The following PTPRG variants were observed in gnomAD, a reference collection of about 807,000 sequenced individuals.
The protein encoded by PTPRG is protein tyrosine phosphatase receptor type G, also known as receptor-type tyrosine-protein phosphatase gamma.
PTPRG carries 102 observed loss-of-function variants against 165.3 expected under a neutral mutation model. The observed-to-expected ratio is 0.62, with a 90% CI of 0.53 to 0.73. PTPRG has a LOEUF of 0.73. Ranked by LOEUF, PTPRG falls within the 30% of genes least tolerant of loss-of-function variation. The probability of loss-of-function intolerance (pLI) is 0.00; values close to 1 mark genes in which losing one functional copy is unlikely to be tolerated. For missense variants in PTPRG, 1,866 were observed against 1,861.4 expected, an observed-to-expected ratio of 1.00 and a Z score of -0.05; for synonymous variants, 675 against 669.5, an observed-to-expected ratio of 1.01 and a Z score of -0.13.
chr3:62,116,360 ATCT>A (rs763733923), intron 5 of PTPRG, among the ~76,000 whole-genome samples: 1 of 152,200 alleles, frequency 6.6e-6, no homozygotes, highest in African/African-American at 2.4e-5. Flanking sequence ...TTGGCCGGAA[ATCT>A]TCTTTCCATA....
At chr3:61,840,895 C>T (rs1658606492) in intron 2 of PTPRG, among the ~76,000 whole-genome samples, 1 of 150,236 alleles carries the variant, frequency 6.7e-6, no homozygotes, top group African/African-American at 2.5e-5. Context: ...AATTCTTCTG[C>T]CTCAGCCTCC....
intron 1 of PTPRG, among the ~76,000 whole-genome samples, chr3:61,701,564 A>G (rs1261680497): frequency 6.6e-6 from 1 of 152,236 alleles, no homozygotes; most frequent in Non-Finnish European, 1.5e-5. Flanking sequence ...AAGTGAGTGC[A>G]GAAACATTTC....
intron 2 of PTPRG, among the ~76,000 whole-genome samples, chr3:61,812,254 AG>A (rs2035604906): frequency 1.3e-5 from 2 of 151,808 alleles, no homozygotes; most frequent in Admixed American, 6.6e-5. Context: ...TACTGTCTTG[AG>A]GGTAGTTTAG....
At chr3:61,631,422 GT>G (rs1172821900) in intron 1 of PTPRG, among the ~76,000 whole-genome samples, 2 of 152,168 alleles carry the variant, frequency 1.3e-5, no homozygotes, top group Non-Finnish European at 1.5e-5. Context: ...TTTTATTACT[GT>G]TTGCTGCTAT....
At chr3:61,635,347 T>A (rs920821181) in intron 1 of PTPRG, among the ~76,000 whole-genome samples, 7 of 148,100 alleles carry the variant, frequency 4.7e-5, no homozygotes, top group African/African-American at 9.8e-5. Context: ...ATATATATAT[T>A]ATATATATAA....
chr3:62,181,966 C>T (rs1023523205), intron 8 of PTPRG, among the ~76,000 whole-genome samples: 2 of 152,140 alleles, frequency 1.3e-5, no homozygotes, highest in Non-Finnish European at 2.9e-5. Flanking sequence ...ATACTTAAGC[C>T]TTACCAGTAA....
chr3:62,145,733 T>C (rs115789598), intron 6 of PTPRG, among the ~76,000 whole-genome samples: 2,288 of 152,304 alleles, frequency 0.015, 59 homozygotes, highest in African/African-American at 0.051. Context: ...TACAATCTTA[T>C]TGAATCCCAT....
At chr3:61,714,845 T>A (rs1452768334) in intron 1 of PTPRG, among the ~76,000 whole-genome samples, 1 of 152,246 alleles carries the variant, frequency 6.6e-6, no homozygotes, top group African/African-American at 2.4e-5. Context: ...AAGAAGTATC[T>A]TGTTTTAGCT....
chr3:62,217,498 T>TTCCTCACCTGA lies in PTPRG; in HGVS notation c.2156-1353_2156-1352insTCCTCACCTGA, dbSNP rs1024900939. 1 of 152,260 alleles carries TTCCTCACCTGA rather than the reference T, an allele frequency of 6.6e-6. No homozygotes were observed. The highest frequency in any genetic ancestry group is 1.5e-5 in the Non-Finnish European group (1 of 68,080). The allele number at this position is 152,260 out of a possible 1,614,324, so 9.4% of individuals were successfully genotyped here. A position where few individuals can be genotyped will look rare whatever the true frequency, so the allele number is the denominator to read the frequency against. Reference sequence around the variant, plus strand: ...CCTACTCAGCCTACCTTCTCTCACCTGGAAACTCAACCTGATTAGCTCTGC... The same window carrying TTCCTCACCTGA: ...CCTACTCAGCCTACCTTCTCTCACCTTCCTCACCTGAGGAAACTCAACCTGATTAGCTCTGC... On this transcript the variant is annotated intron_variant, in intron 12 of 29. Coordinates refer to ENST00000474889, the MANE Select transcript of PTPRG (RefSeq NM_002841.4). The surrounding 1 kb of genome is among the most constrained non-coding windows in gnomAD (Gnocchi z 4.3).
chr3:62,122,948 A>G (rs980587876), intron 5 of PTPRG, among the ~76,000 whole-genome samples: 1 of 152,212 alleles, frequency 6.6e-6, no homozygotes, highest in African/African-American at 2.4e-5. Flanking sequence ...GAACTAGATC[A>G]TCAGTTCTAT....
intron 2 of PTPRG, among the ~76,000 whole-genome samples, chr3:61,803,272 C>T (rs1210295691): frequency 6.6e-6 from 1 of 151,944 alleles, no homozygotes; most frequent in Admixed American, 6.6e-5. Flanking sequence ...TTTATTCAAC[C>T]CATTATCTCT....
chr3:61,868,132 A>G (rs1305310157), intron 2 of PTPRG, among the ~76,000 whole-genome samples: 1 of 152,218 alleles, frequency 6.6e-6, no homozygotes, highest in African/African-American at 2.4e-5. Context: ...GGGAGAGGGC[A>G]TGTCTTGAGA....
intron 2 of PTPRG, among the ~76,000 whole-genome samples, chr3:61,823,862 C>G (rs1038016359): frequency 6.6e-6 from 1 of 152,128 alleles, no homozygotes; most frequent in Non-Finnish European, 1.5e-5. Context: ...TGCAGTGGCT[C>G]ACGCCTGTAA....
chr3:61,589,061 A>G (rs150826906), intron 1 of PTPRG, among the ~76,000 whole-genome samples: 97 of 152,372 alleles, frequency 6.4e-4, no homozygotes, highest in African/African-American at 2.2e-3. Context: ...CTAGCAAGCT[A>G]AGAATATTTT....
chr3:61,774,124 C>A (rs2034297635), intron 2 of PTPRG, among the ~76,000 whole-genome samples: 1 of 152,114 alleles, frequency 6.6e-6, no homozygotes, highest in African/African-American at 2.4e-5. Context: ...AGACTACAGT[C>A]CTTTCCCAAA....
chr3:61,892,420 G>T (rs1401263748), intron 2 of PTPRG, among the ~76,000 whole-genome samples: 1 of 152,104 alleles, frequency 6.6e-6, no homozygotes. Context: ...TTGCTTTGTT[G>T]CCTAGGCACA....
chr3:62,074,211 G>GTGTATA (rs923780031), intron 4 of PTPRG, among the ~76,000 whole-genome samples: 1 of 150,806 alleles, frequency 6.6e-6, no homozygotes, highest in Non-Finnish European at 1.5e-5. Context: ...GTGTGTGTGT[G>GTGTATA]TATACAGAGA....
intron 1 of PTPRG, among the ~76,000 whole-genome samples, chr3:61,734,863 A>T (rs1422299243): frequency 6.6e-6 from 1 of 152,114 alleles, no homozygotes; most frequent in Non-Finnish European, 1.5e-5. Flanking sequence ...AGATATTGAG[A>T]GGGGGGGAAT....
At chr3:61,805,459 A>G (rs1368355926) in intron 2 of PTPRG, among the ~76,000 whole-genome samples, 1 of 150,928 alleles carries the variant, frequency 6.6e-6, no homozygotes, top group Non-Finnish European at 1.5e-5. Context: ...AGCAAAAGCC[A>G]TGCAGTATGT....
Sources: allele counts gnomAD v4.1 joint callset (sites outside exome capture counted in the v4.1 genomes callset), GRCh38; gene constraint gnomAD v4.1.1; non-coding constraint Gnocchi (gnomAD v3.1); transcripts MANE v1.5; gene names NCBI Gene and HGNC (gene_info 2026-07-23, HGNC 2026-07-21).